The following PTK2 variants were observed in gnomAD, a reference collection of about 807,000 sequenced individuals.
The protein encoded by PTK2 is protein tyrosine kinase 2.
Under a neutral mutation model 150.1 loss-of-function variants are expected in PTK2, and 45 were observed. The ratio of observed to expected loss-of-function variants is 0.30; its 90% CI spans 0.24 to 0.38. The LOEUF is 0.38. PTK2 is among the 10% of genes least tolerant of loss of function. The pLI, the probability that PTK2 is intolerant of heterozygous loss-of-function variation, is 1.00. For synonymous variants in PTK2, 432 were observed against 449.2 expected (o/e 0.96, Z 0.48); for missense variants, 919 against 1,307.3 (o/e 0.70, Z 4.58).
intron 11 of PTK2, 99 bp downstream of exon 11, chr8:140,803,444 G>T: frequency 1.1e-6 from 1 of 896,986 alleles, no homozygotes; most frequent in South Asian, 1.4e-5. Flanking sequence ...TGATTCTGAT[G>T]ATCCATAAAA....
In PTK2 at chr8:140,694,196, A is replaced by G. The variant is rs534288948; in HGVS notation, c.2499+6695T>C. Among the ~76,000 whole-genome samples, 75 of 151,870 alleles carry G rather than the reference A, an allele frequency of 4.9e-4. No individual in the cohort carries two copies. In the East Asian group the frequency reaches 0.013, roughly 27 times the overall value. ...GCTGGGACTACAGGCACCTGCCACTACGCCCAGCTAATTTTTTGTATTTTT... is the reference window on the plus strand; with the variant it reads ...GCTGGGACTACAGGCACCTGCCACTGCGCCCAGCTAATTTTTTGTATTTTT... On this transcript the variant is annotated intron_variant, in intron 26 of 31. Transcript: ENST00000522684.
chr8:140,927,080 C>G (rs1432296027), intron 1 of PTK2, among the ~76,000 whole-genome samples: 1 of 152,162 alleles, frequency 6.6e-6, no homozygotes, highest in East Asian at 1.9e-4. Context: ...GTGGTAGAAG[C>G]ATGACAACAC....
At chr8:140,813,598 T>G (rs914726631) in intron 10 of PTK2, among the ~76,000 whole-genome samples, 2 of 152,094 alleles carry the variant, frequency 1.3e-5, no homozygotes, top group African/African-American at 4.8e-5. Context: ...TTGAAATGAA[T>G]GAGAACCAAG....
At chr8:140,986,045 A>C (rs141187728) in intron 1 of PTK2, among the ~76,000 whole-genome samples, 38 of 152,350 alleles carry the variant, frequency 2.5e-4, no homozygotes, top group African/African-American at 8.7e-4. Context: ...TCCACGTACC[A>C]GTGCAAGTCC....
At chr8:140,673,601 G>C (rs2100011887) in intron 29 of PTK2, among the ~76,000 whole-genome samples, 1 of 152,192 alleles carries the variant, frequency 6.6e-6, no homozygotes, top group Admixed American at 6.5e-5. Context: ...ACAGGACACA[G>C]GCTAGAAAAG....
intron 21 of PTK2, among the ~76,000 whole-genome samples, chr8:140,736,306 G>C (rs536064507): frequency 6.6e-6 from 1 of 152,300 alleles, no homozygotes; most frequent in African/African-American, 2.4e-5. Context: ...TCACTTGTAA[G>C]TGGGATCTAA....
intron 31 of PTK2, chr8:140,660,583 G>A (rs375369716): frequency 6.6e-6 from 3 of 454,336 alleles, no homozygotes; most frequent in Non-Finnish European, 1.3e-5. Flanking sequence ...AAAGTTAGCT[G>A]AGTATGGTGG....
rs2100086968 is a variant in PTK2 at position 140,789,348 on chromosome 8, T to A, written c.1177+126A>T. The A allele has an allele frequency of 7.0e-6, 6 of 861,974 alleles. No individual in the cohort carries two copies. The South Asian group carries it at 1.9e-4, about 28-fold the overall frequency. The allele number at this position is 861,974 out of a possible 1,614,324, so 53.4% of individuals were successfully genotyped here. A position where few individuals can be genotyped will look rare whatever the true frequency, so the allele number is the denominator to read the frequency against. ...TAATGATGGTAAAATTATGCAAATT[T>A]GGATAGCCAGAATGCTTATTTTCAT... On this transcript the variant is annotated intron_variant, in intron 14 of 31. Coordinates refer to ENST00000522684, the Ensembl canonical transcript of PTK2.
chr8:140,938,970 C>T (rs1222005597), intron 1 of PTK2, among the ~76,000 whole-genome samples: 1 of 148,246 alleles, frequency 6.7e-6, no homozygotes, highest in Non-Finnish European at 1.5e-5. Context: ...CAGTAAGACC[C>T]CATTCTCAGT....
chr8:140,744,588 G>T, intron 19 of PTK2, 64 bp downstream of exon 22: 1 of 1,057,360 alleles, frequency 9.5e-7, no homozygotes, highest in South Asian at 1.7e-5. Context: ...GGTCCAAATG[G>T]GTCCCTGTTT....
intron 14 of PTK2, among the ~76,000 whole-genome samples, chr8:140,776,317 T>G (rs1386279342): frequency 6.6e-6 from 1 of 152,244 alleles, no homozygotes; most frequent in Non-Finnish European, 1.5e-5. Flanking sequence ...GTTACATTAT[T>G]TTAATGCCAA....
At chr8:140,826,242 T>G (rs1356253589) in intron 8 of PTK2, among the ~76,000 whole-genome samples, 1 of 152,216 alleles carries the variant, frequency 6.6e-6, no homozygotes, top group Non-Finnish European at 1.5e-5. Flanking sequence ...CTAGCTGAAG[T>G]TTCACTGGCA....
At chr8:140,754,839 C>G (rs553397470) in intron 16 of PTK2, among the ~76,000 whole-genome samples, 1 of 152,154 alleles carries the variant, frequency 6.6e-6, no homozygotes, top group Non-Finnish European at 1.5e-5. Context: ...TTACAGAGAT[C>G]GGACTGCTGG....
chr8:140,681,124 G>A (rs914102382), intron 27 of PTK2, among the ~76,000 whole-genome samples: 2 of 152,056 alleles, frequency 1.3e-5, no homozygotes, highest in African/African-American at 2.4e-5. Context: ...CAGCACTTTG[G>A]GAGGCCAAGG....
chr8:140,871,673 G>T (rs573053034), intron 4 of PTK2, among the ~76,000 whole-genome samples: 3 of 152,224 alleles, frequency 2.0e-5, no homozygotes, highest in African/African-American at 7.2e-5. Flanking sequence ...GATGGCATGC[G>T]CCTATGATCC....
exon 32 of PTK2, chr8:140,659,643 C>G (rs762966765): frequency 1.2e-6 from 2 of 1,614,188 alleles, no homozygotes; most frequent in Non-Finnish European, 1.7e-6. Flanking sequence ...TGAGCTCACC[C>G]AGGTCAGAGT....
intron 2 of PTK2, among the ~76,000 whole-genome samples, chr8:140,891,499 A>G (rs955764939): frequency 6.6e-6 from 1 of 152,220 alleles, no homozygotes; most frequent in Non-Finnish European, 1.5e-5. Context: ...CAACCAAGAC[A>G]ATGAGTGACA....
At chr8:140,947,078 T>C (rs1413096531) in intron 1 of PTK2, among the ~76,000 whole-genome samples, 2 of 152,096 alleles carry the variant, frequency 1.3e-5, no homozygotes, top group East Asian at 1.9e-4. Context: ...ACTAAAAAAA[T>C]TCGTACATTC....
intron 14 of PTK2, among the ~76,000 whole-genome samples, chr8:140,787,843 C>G (rs145627057): frequency 4.6e-5 from 7 of 152,160 alleles, no homozygotes; most frequent in Non-Finnish European, 7.3e-5. Flanking sequence ...GGCAAGAAGA[C>G]GGACCAAAGG....
Sources: allele counts gnomAD v4.1 joint callset (sites outside exome capture counted in the v4.1 genomes callset), GRCh38; gene constraint gnomAD v4.1.1; transcripts MANE v1.5; gene names NCBI Gene and HGNC (gene_info 2026-07-23, HGNC 2026-07-21).